Variants in ATP6V0D1 observed in about 807,000 individuals in gnomAD.
The protein encoded by ATP6V0D1 is V-type proton ATPase subunit d 1.
A neutral mutation model predicts 39.0 loss-of-function variants in ATP6V0D1; 13 were observed. The observed-to-expected ratio is 0.33, with a 90% CI of 0.22 to 0.53. The LOEUF is 0.53. Ranked by LOEUF, ATP6V0D1 falls within the 20% of genes least tolerant of loss-of-function variation. ATP6V0D1 has a pLI of 0.94. For missense variants in ATP6V0D1, 272 were observed against 470.9 expected (o/e 0.58, Z 3.91); for synonymous variants, 191 against 191.2 (o/e 1.00, Z 0.01).
chr16:67,458,240 C>T (rs1430953492), intron 1 of ATP6V0D1, among the ~76,000 whole-genome samples: 1 of 152,220 alleles, frequency 6.6e-6, no homozygotes, highest in Non-Finnish European at 1.5e-5. Context: ...GCTCCCTCCT[C>T]CCCAGCTTCC....
intron 2 of ATP6V0D1, among the ~76,000 whole-genome samples, chr16:67,451,888 G>A (rs1460516055): frequency 6.6e-6 from 1 of 152,258 alleles, no homozygotes; most frequent in African/African-American, 2.4e-5. Flanking sequence ...ACCAAGACAG[G>A]CCAAAGGCTA....
At chr16:67,466,973 TC>T (rs2041335616) in intron 1 of ATP6V0D1, among the ~76,000 whole-genome samples, 1 of 151,972 alleles carries the variant, frequency 6.6e-6, no homozygotes, top group South Asian at 2.1e-4. Context: ...AGCATGGGCA[TC>T]CTCAGCCCTC....
At chr16:67,448,033 G>A (rs145718943) in intron 2 of ATP6V0D1, among the ~76,000 whole-genome samples, 1 of 152,146 alleles carries the variant, frequency 6.6e-6, no homozygotes, top group Admixed American at 6.5e-5. Context: ...ACCACCTCTC[G>A]AGACTTAGTT....
At chr16:67,471,772 A>G (rs2041375284) in intron 1 of ATP6V0D1, among the ~76,000 whole-genome samples, 1 of 151,666 alleles carries the variant, frequency 6.6e-6, no homozygotes, top group African/African-American at 2.4e-5. Context: ...CCCAGGCCCA[A>G]GCGACCTTCC....
At chr16:67,454,288 T>C (rs2142314102) in intron 1 of ATP6V0D1, among the ~76,000 whole-genome samples, 1 of 152,106 alleles carries the variant, frequency 6.6e-6, no homozygotes, top group South Asian at 2.1e-4. Flanking sequence ...GCCAGGAGGA[T>C]GGTGTGAGTG....
At chr16:67,474,711 G>A (rs980398849) in intron 1 of ATP6V0D1, among the ~76,000 whole-genome samples, 1 of 152,126 alleles carries the variant, frequency 6.6e-6, no homozygotes, top group Non-Finnish European at 1.5e-5. Flanking sequence ...CTTGGGGACC[G>A]TGGACACACC....
chr16:67,460,041 G>C (rs1332739736), intron 1 of ATP6V0D1, among the ~76,000 whole-genome samples: 1 of 152,236 alleles, frequency 6.6e-6, no homozygotes, highest in Non-Finnish European at 1.5e-5. Context: ...CTCCTGGGGA[G>C]CTCAGGGGTT....
intron 1 of ATP6V0D1, among the ~76,000 whole-genome samples, chr16:67,480,390 T>A (rs2041458966): frequency 6.6e-6 from 1 of 151,982 alleles, no homozygotes. Context: ...GGGCCACCCT[T>A]GTTCTCCCAA....
intron 1 of ATP6V0D1, among the ~76,000 whole-genome samples, chr16:67,462,987 G>C (rs2041301052): frequency 6.6e-6 from 1 of 152,178 alleles, no homozygotes; most frequent in African/African-American, 2.4e-5. Flanking sequence ...TCACTCAGTT[G>C]GAGGTGGAGG....
chr16:67,471,908 C>G (rs1196119048), intron 1 of ATP6V0D1, among the ~76,000 whole-genome samples: 1 of 152,096 alleles, frequency 6.6e-6, no homozygotes, highest in Non-Finnish European at 1.5e-5. Flanking sequence ...TCCTCAGTGG[C>G]TGAGATTACA....
intron 1 of ATP6V0D1, among the ~76,000 whole-genome samples, chr16:67,478,527 T>C (rs2041435065): frequency 6.7e-6 from 1 of 148,648 alleles, no homozygotes; most frequent in Admixed American, 6.8e-5. Context: ...GGCACGAGAA[T>C]GGCTTGAACT....
Position 67,453,548 on chromosome 16 carries a change from T to TG in ATP6V0D1, c.297dup (p.Ile100HisfsTer25). On this transcript the variant is annotated frameshift_variant, in exon 2 of 8. Transcript: ENST00000290949. LOFTEE classifies it high-confidence loss of function. The surrounding 1 kb of genome is among the most constrained non-coding windows in gnomAD (Gnocchi z 4.1). The stretch of plus-strand genomic sequence containing the variant: ...GGCGCTACAAAGCACACTCACGTAA[T>TG]GAAGTCTAGGAAGCTGGCGAGTGGC... 3 of 1,614,084 alleles carry TG rather than the reference T, an allele frequency of 1.9e-6. No homozygotes were observed. Among genetic ancestry groups the TG allele is most frequent in the African/African-American group, 1.3e-5 (1 of 75,022 alleles).
At chr16:67,452,277 G>C in intron 2 of ATP6V0D1, 5 of 1,535,698 alleles carry the variant, frequency 3.3e-6, no homozygotes, top group Non-Finnish European at 4.4e-6. Flanking sequence ...TCTCAGGAAA[G>C]GAGGCCTGTG....
At chr16:67,463,147 C>T (rs867742684) in intron 1 of ATP6V0D1, among the ~76,000 whole-genome samples, 13 of 152,202 alleles carry the variant, frequency 8.5e-5, no homozygotes, top group African/African-American at 2.9e-4. Context: ...TTGACCTAGG[C>T]CCTGTGTTTG....
At chr16:67,438,942 A>G in intron 6 of ATP6V0D1, 29 bp downstream of exon 6, 1 of 1,613,304 alleles carries the variant, frequency 6.2e-7, no homozygotes, top group Non-Finnish European at 8.5e-7. Flanking sequence ...AACACATCCA[A>G]CCGCTGTCCT....
At chr16:67,457,535 C>T (rs1418102232) in intron 1 of ATP6V0D1, 18 of 1,278,890 alleles carry the variant, frequency 1.4e-5, no homozygotes, top group African/African-American at 4.6e-5. Flanking sequence ...TTCCCCTCCT[C>T]GGAGGCAGCC....
At chr16:67,450,053 A>G (rs2041160840) in intron 2 of ATP6V0D1, among the ~76,000 whole-genome samples, 1 of 152,232 alleles carries the variant, frequency 6.6e-6, no homozygotes, top group Non-Finnish European at 1.5e-5. Flanking sequence ...AGCTGGGCCA[A>G]CTTTGTCTGT....
intron 1 of ATP6V0D1, among the ~76,000 whole-genome samples, chr16:67,470,844 C>T (rs1308126184): frequency 6.6e-6 from 1 of 152,016 alleles, no homozygotes; most frequent in East Asian, 1.9e-4. Flanking sequence ...TGACTTCTAA[C>T]CCTCTTCACC....
intron 1 of ATP6V0D1, chr16:67,457,419 C>A (rs1330483114): frequency 1.6e-5 from 7 of 449,348 alleles, no homozygotes; most frequent in Non-Finnish European, 2.4e-5. Context: ...AGCCCTTGAC[C>A]CAGGACAGGC....
Sources: allele counts gnomAD v4.1 joint callset (sites outside exome capture counted in the v4.1 genomes callset), GRCh38; gene constraint gnomAD v4.1.1; non-coding constraint Gnocchi (gnomAD v3.1); transcripts MANE v1.5; gene names NCBI Gene and HGNC (gene_info 2026-07-23, HGNC 2026-07-21).